CSMD1: variants seen among roughly 807,000 people sequenced by gnomAD.
CSMD1 encodes CUB and sushi domain-containing protein 1.
Under a neutral mutation model 417.5 loss-of-function variants are expected in CSMD1, and 213 were observed. That is an observed-to-expected ratio of 0.51 (90% CI 0.46 to 0.57). The LOEUF is 0.57. CSMD1 is among the 20% of genes least tolerant of loss of function. The pLI, the probability that CSMD1 is intolerant of heterozygous loss-of-function variation, is 0.00. For synonymous variants in CSMD1, 2,862 were observed against 1,736.8 expected, an observed-to-expected ratio of 1.65 and a Z score of -16.11; for missense variants, 6,923 against 4,529.7, an observed-to-expected ratio of 1.53 and a Z score of -15.17.
At chr8:4,953,801 T>C (rs1168393067) in intron 1 of CSMD1, among the ~76,000 whole-genome samples, 1 of 152,172 alleles carries the variant, frequency 6.6e-6, no homozygotes, top group Admixed American at 6.5e-5. Context: ...TCCCAAAATG[T>C]GGTTTGTGAA....
chr8:3,717,665 G>T (rs1585125916), intron 6 of CSMD1, among the ~76,000 whole-genome samples: 1 of 152,226 alleles, frequency 6.6e-6, no homozygotes, highest in South Asian at 2.1e-4. Flanking sequence ...AATGCTATGT[G>T]CATTGTATAT....
At chr8:4,465,441 A>C (rs1280823068) in intron 2 of CSMD1, among the ~76,000 whole-genome samples, 2 of 152,104 alleles carry the variant, frequency 1.3e-5, no homozygotes, top group Non-Finnish European at 2.9e-5. Flanking sequence ...CATTGACACC[A>C]TCCTGCCTTG....
intron 5 of CSMD1, among the ~76,000 whole-genome samples, chr8:3,783,827 T>A (rs1293761279): frequency 6.6e-6 from 1 of 152,152 alleles, no homozygotes; most frequent in Admixed American, 6.5e-5. Context: ...ATTTTCCCAC[T>A]TACCAATTAA....
At chr8:4,049,645 A>C (rs1370918620) in intron 3 of CSMD1, among the ~76,000 whole-genome samples, 3 of 152,146 alleles carry the variant, frequency 2.0e-5, no homozygotes, top group Non-Finnish European at 4.4e-5. Flanking sequence ...AAATAACATT[A>C]TATTTACTAA....
chr8:3,673,887 G>A (rs1409571531), intron 7 of CSMD1, among the ~76,000 whole-genome samples: 2 of 152,090 alleles, frequency 1.3e-5, no homozygotes, highest in African/African-American at 2.4e-5. Context: ...GGAGGCCAAG[G>A]CAGGCAGAAT....
chr8:4,788,067 G>A, intron 1 of CSMD1: 2 of 1,597,462 alleles, frequency 1.3e-6, no homozygotes, highest in South Asian at 2.2e-5. Context: ...TGAGTGGGTT[G>A]CAGAGAAAGT....
intron 2 of CSMD1, among the ~76,000 whole-genome samples, chr8:4,496,012 TAC>T (rs1186838911): frequency 5.9e-5 from 9 of 152,182 alleles, no homozygotes; most frequent in African/African-American, 2.2e-4. Flanking sequence ...GTGTAATTCC[TAC>T]AGAGATACTT....
chr8:4,733,042 A>C (rs568189189), intron 1 of CSMD1, among the ~76,000 whole-genome samples: 1 of 152,250 alleles, frequency 6.6e-6, no homozygotes, highest in African/African-American at 2.4e-5. Flanking sequence ...AAAATCCCCA[A>C]ATGAAAAATA....
chr8:4,367,979 G>C (rs981290804), intron 3 of CSMD1, among the ~76,000 whole-genome samples: 1 of 151,936 alleles, frequency 6.6e-6, no homozygotes, highest in Non-Finnish European at 1.5e-5. Context: ...TCTAGGTATA[G>C]AGTTACATTG....
intron 5 of CSMD1, among the ~76,000 whole-genome samples, chr8:3,850,143 G>C (rs1049834593): frequency 6.6e-6 from 1 of 152,172 alleles, no homozygotes; most frequent in Non-Finnish European, 1.5e-5. Flanking sequence ...CATTCTTAGG[G>C]CATATCCCTT....
At chr8:2,991,363 A>G (rs563184487) in intron 54 of CSMD1, among the ~76,000 whole-genome samples, 2 of 152,228 alleles carry the variant, frequency 1.3e-5, no homozygotes, top group Non-Finnish European at 2.9e-5. Context: ...TGAAACTGTC[A>G]CTGTTGGAGA....
intron 2 of CSMD1, among the ~76,000 whole-genome samples, chr8:4,499,601 G>T (rs1364296317): frequency 1.3e-5 from 2 of 152,182 alleles, no homozygotes; most frequent in Non-Finnish European, 2.9e-5. Flanking sequence ...TCTGTAAAAG[G>T]TCAACAGTGG....
At chr8:4,707,674 G>A (rs186209519) in intron 1 of CSMD1, among the ~76,000 whole-genome samples, 6 of 151,862 alleles carry the variant, frequency 4.0e-5, no homozygotes, top group East Asian at 1.9e-4. Context: ...ATCACCTGAG[G>A]TCAGGAGTTC....
chr8:3,404,759 T>C (rs573569584), intron 15 of CSMD1, among the ~76,000 whole-genome samples: 4 of 148,978 alleles, frequency 2.7e-5, no homozygotes, highest in South Asian at 2.2e-4. Flanking sequence ...GATATGTATG[T>C]ATTTATGACA....
intron 3 of CSMD1, among the ~76,000 whole-genome samples, chr8:4,377,054 C>G (rs545920840): frequency 6.6e-6 from 1 of 152,178 alleles, no homozygotes; most frequent in Non-Finnish European, 1.5e-5. Flanking sequence ...GATTGTTCTC[C>G]TGGATCATTG....
At chr8:3,729,962 CAAAAA>C (rs1802741132) in intron 6 of CSMD1, among the ~76,000 whole-genome samples, 2 of 9,456 alleles carry the variant, frequency 2.1e-4, no homozygotes, top group South Asian at 7.6e-3. Context: ...AAAAAAAAAA[CAAAAA>C]CAGAAGAACG....
chr8:4,128,255 C>A (rs1317015401), intron 3 of CSMD1, among the ~76,000 whole-genome samples: 3 of 152,016 alleles, frequency 2.0e-5, no homozygotes, highest in African/African-American at 7.3e-5. Flanking sequence ...AGGTGCAATC[C>A]CGTGGAGGAA....
Position 4,800,884 on chromosome 8 carries a change from G to A in CSMD1, c.86-163326C>T, listed in dbSNP as rs370869746. On this transcript the variant is annotated intron_variant, in intron 1 of 69. Transcript: ENST00000635120. ...CTTTAATTCTTCCCTTTCACACATG[G>A]AACTTACGTCTTGTACTCATCACAG... 2.4e-4 allele frequency among the ~76,000 whole-genome samples: 37 copies of A among 152,290 alleles called. No homozygotes were observed. In the East Asian group the frequency reaches 4.1e-3, roughly 17 times the overall value.
intron 1 of CSMD1, among the ~76,000 whole-genome samples, chr8:4,878,277 T>C (rs1335330631): frequency 6.6e-6 from 1 of 152,112 alleles, no homozygotes; most frequent in African/African-American, 2.4e-5. Context: ...TGGTGCTTTC[T>C]TGACCAACTT....
Sources: gnomAD v4.1 joint callset for allele counts (sites outside exome capture counted in the v4.1 genomes callset) on GRCh38, gnomAD v4.1.1 for gene constraint, MANE v1.5 for transcripts, NCBI Gene and HGNC (gene_info 2026-07-23, HGNC 2026-07-21) for gene names.